Variants in HSPA12A observed in about 807,000 individuals in gnomAD.
HSPA12A encodes heat shock protein family A (Hsp70) member 12A, also known as heat shock 70 kDa protein 12A.
HSPA12A carries 28 observed loss-of-function variants against 69.2 expected under a neutral mutation model. That is an observed-to-expected ratio of 0.40 (90% CI 0.30 to 0.55). The LOEUF (loss-of-function observed/expected upper bound fraction) is 0.55, where lower values mean the gene tolerates loss of function less well. HSPA12A is among the 20% of genes least tolerant of loss of function. The pLI, the probability that HSPA12A is intolerant of heterozygous loss-of-function variation, is 0.38. For synonymous variants in HSPA12A, 345 were observed against 370.5 expected (o/e 0.93, Z 0.79); for missense variants, 686 against 900.7 (o/e 0.76, Z 3.05).
chr10:116,678,862 G>T (rs1363777771), intron 10 of HSPA12A, among the ~76,000 whole-genome samples: 2 of 152,054 alleles, frequency 1.3e-5, no homozygotes, highest in African/African-American at 4.8e-5. Context: ...CTTACAAAAG[G>T]ATTATTAGAA....
At chr10:116,691,776 C>T (rs1554880162) in intron 6 of HSPA12A, among the ~76,000 whole-genome samples, 5 of 152,250 alleles carry the variant, frequency 3.3e-5, no homozygotes, top group Non-Finnish European at 5.9e-5. Flanking sequence ...AGCGCCTGTG[C>T]CTGGTATGCC....
intron 1 of HSPA12A, among the ~76,000 whole-genome samples, chr10:116,724,556 C>T (rs1225161924): frequency 6.6e-6 from 1 of 152,152 alleles, no homozygotes; most frequent in Non-Finnish European, 1.5e-5. Flanking sequence ...GTCTGGAAGG[C>T]TCCCCACCAA....
intron 2 of HSPA12A, among the ~76,000 whole-genome samples, chr10:116,747,902 G>T (rs1851685587): frequency 6.6e-6 from 1 of 152,160 alleles, no homozygotes; most frequent in Non-Finnish European, 1.5e-5. Flanking sequence ...GGGAGGCTGA[G>T]GCAGGAGAAT....
chr10:116,773,554 T>G (rs1844262119), intron 2 of HSPA12A, among the ~76,000 whole-genome samples: 1 of 152,238 alleles, frequency 6.6e-6, no homozygotes, highest in African/African-American at 2.4e-5. Flanking sequence ...AACCTCACCT[T>G]GGCCCATGGC....
chr10:116,780,084 G>A (rs1020793938), intron 2 of HSPA12A, among the ~76,000 whole-genome samples: 5 of 152,322 alleles, frequency 3.3e-5, no homozygotes, highest in South Asian at 2.1e-4. Flanking sequence ...CAAAGATCCC[G>A]TTCATCCACA....
At chr10:116,840,010 C>T (rs543436914) in intron 1 of HSPA12A, among the ~76,000 whole-genome samples, 2 of 151,924 alleles carry the variant, frequency 1.3e-5, no homozygotes, top group Admixed American at 6.6e-5. Context: ...TACATACGGA[C>T]GGGAAAGCCA....
rs1009667872 is a variant in HSPA12A at position 116,835,034 on chromosome 10, G to A, written c.4-12C>T. On this transcript the variant is annotated splice_polypyrimidine_tract_variant and intron_variant, in intron 1 of 12. Coordinates refer to the HSPA12A transcript ENST00000635765. ...CCAACACTCTCCATCTGTAGGAGGG[G>A]GGAAAAGAGTTGCACTGTGAAAATG... The A allele has an allele frequency of 2.0e-5, 24 of 1,227,216 alleles. 1 individual carries two copies. The Admixed American group carries it at 2.5e-4, about 13-fold the overall frequency. 76.0% of individuals were successfully genotyped at this position (1,227,216 alleles called of 1,614,324 possible).
At chr10:116,715,108 T>G in intron 1 of HSPA12A, among the ~76,000 whole-genome samples, 1 of 152,176 alleles carries the variant, frequency 6.6e-6, no homozygotes, top group East Asian at 1.9e-4. Flanking sequence ...GGCAAACCTA[T>G]GGACTAGAAG....
At chr10:116,779,187 G>A (rs369160643) in intron 2 of HSPA12A, among the ~76,000 whole-genome samples, 3 of 152,196 alleles carry the variant, frequency 2.0e-5, no homozygotes, top group Admixed American at 1.3e-4. Context: ...GCGACACATC[G>A]TGGCTGAACT....
At chr10:116,776,591 A>C (rs1554891176) in intron 2 of HSPA12A, among the ~76,000 whole-genome samples, 1 of 152,178 alleles carries the variant, frequency 6.6e-6, no homozygotes, top group Non-Finnish European at 1.5e-5. Flanking sequence ...GCCTAATTTG[A>C]TCGTCAAAGT....
chr10:116,826,269 A>G (rs1845503298), intron 2 of HSPA12A, among the ~76,000 whole-genome samples: 1 of 152,136 alleles, frequency 6.6e-6, no homozygotes, highest in African/African-American at 2.4e-5. Flanking sequence ...ATATTTATTT[A>G]ATTATTGGAT....
At chr10:116,830,449 T>C (rs572514696) in intron 2 of HSPA12A, 14 of 152,334 alleles carry the variant, frequency 9.2e-5, no homozygotes, top group African/African-American at 3.4e-4. Context: ...GATGTGTATA[T>C]GTGTATGTAT....
At chr10:116,717,455 C>T (rs1554883913) in intron 1 of HSPA12A, among the ~76,000 whole-genome samples, 1 of 152,090 alleles carries the variant, frequency 6.6e-6, no homozygotes, top group Non-Finnish European at 1.5e-5. Flanking sequence ...TTTCGAAAAC[C>T]ATAATTCTCT....
upstream of HSPA12A, chr10:116,850,052 C>T (rs1460238778): frequency 7.8e-6 from 4 of 512,444 alleles, no homozygotes; most frequent in African/African-American, 3.9e-5. Flanking sequence ...TGGGCCGGCC[C>T]ACCGCCCATG....
chr10:116,753,915 T>A (rs1372894092), intron 2 of HSPA12A, among the ~76,000 whole-genome samples: 1 of 152,144 alleles, frequency 6.6e-6, no homozygotes, highest in Non-Finnish European at 1.5e-5. Context: ...CTCGCTTCAC[T>A]CCAGTGCTTG....
intron 2 of HSPA12A, among the ~76,000 whole-genome samples, chr10:116,705,789 C>G (rs990624879): frequency 1.3e-5 from 2 of 152,190 alleles, no homozygotes; most frequent in Non-Finnish European, 2.9e-5. Context: ...TCCAATCCCA[C>G]CAGGCCAGCC....
At chr10:116,840,335 C>A (rs937664398) in intron 1 of HSPA12A, among the ~76,000 whole-genome samples, 8 of 152,146 alleles carry the variant, frequency 5.3e-5, no homozygotes, top group Non-Finnish European at 5.9e-5. Context: ...TGATGATACA[C>A]AGGAAAACAT....
At chr10:116,724,422 T>G (rs551232774) in intron 1 of HSPA12A, among the ~76,000 whole-genome samples, 23 of 151,894 alleles carry the variant, frequency 1.5e-4, no homozygotes, top group Non-Finnish European at 2.5e-4. Flanking sequence ...GGCCATGGGG[T>G]CTTCACCAAG....
At chr10:116,739,252 T>TTCCTC (rs1192494050) in intron 1 of HSPA12A, among the ~76,000 whole-genome samples, 1 of 152,192 alleles carries the variant, frequency 6.6e-6, no homozygotes, top group Non-Finnish European at 1.5e-5. Context: ...TGTCAGCTTT[T>TTCCTC]TCCTCTGTGA....
Sources: gnomAD v4.1 joint callset for allele counts (sites outside exome capture counted in the v4.1 genomes callset) on GRCh38, gnomAD v4.1.1 for gene constraint, MANE v1.5 for transcripts, NCBI Gene and HGNC (gene_info 2026-07-23, HGNC 2026-07-21) for gene names.